Variants in GRID2 observed in about 807,000 individuals in gnomAD.
GRID2 encodes the protein glutamate ionotropic receptor delta type subunit 2.
GRID2 carries 33 observed loss-of-function variants against 114.8 expected under a neutral mutation model. The observed-to-expected ratio is 0.29, with a 90% CI of 0.22 to 0.38. The LOEUF (loss-of-function observed/expected upper bound fraction) is 0.38, where lower values mean the gene tolerates loss of function less well. Among genes scored for constraint, GRID2 ranks in the 10% least tolerant of loss-of-function variants. GRID2 has a pLI of 1.00. For synonymous variants in GRID2, 505 were observed against 449.9 expected (o/e 1.12, Z -1.55); for missense variants, 1,184 against 1,257.7 (o/e 0.94, Z 0.89).
chr4:93,237,353 A>C (rs559336396), intron 7 of GRID2, among the ~76,000 whole-genome samples: 1 of 152,064 alleles, frequency 6.6e-6, no homozygotes, highest in Admixed American at 6.6e-5. Flanking sequence ...CTCATCATGA[A>C]CTTTGCATCA....
intron 8 of GRID2, among the ~76,000 whole-genome samples, chr4:93,390,732 G>C (rs900262072): frequency 6.6e-6 from 1 of 152,046 alleles, no homozygotes; most frequent in Non-Finnish European, 1.5e-5. Flanking sequence ...GTTGATAATA[G>C]AGTGATTATT....
At chr4:93,423,903 C>T (rs1580042320) in intron 10 of GRID2, among the ~76,000 whole-genome samples, 1 of 151,670 alleles carries the variant, frequency 6.6e-6, no homozygotes, top group South Asian at 2.1e-4. Flanking sequence ...TGCTTCTTTT[C>T]CTGTTTTTCT....
chr4:93,136,232 TTGTGTGTG>T (rs3970984), intron 4 of GRID2, among the ~76,000 whole-genome samples: 4,569 of 142,316 alleles, frequency 0.032, 138 homozygotes, highest in African/African-American at 0.076. Flanking sequence ...CCAACAGTTA[TTGTGTGTG>T]TGTGTGTGTG....
chr4:92,381,251 A>C (rs1467494880), intron 1 of GRID2, among the ~76,000 whole-genome samples: 1 of 152,090 alleles, frequency 6.6e-6, no homozygotes, highest in Non-Finnish European at 1.5e-5. Flanking sequence ...GGAGTGACTG[A>C]ACCAAAATCT....
intron 2 of GRID2, among the ~76,000 whole-genome samples, chr4:92,713,824 C>G (rs932324391): frequency 1.3e-5 from 2 of 151,906 alleles, no homozygotes; most frequent in Admixed American, 6.6e-5. Context: ...ACAATTACCT[C>G]CCACCAGGTC....
At chr4:92,686,817 C>T (rs1418814664) in intron 2 of GRID2, among the ~76,000 whole-genome samples, 1 of 151,972 alleles carries the variant, frequency 6.6e-6, no homozygotes, top group Non-Finnish European at 1.5e-5. Flanking sequence ...CTTGTCAAAG[C>T]ATTTTGTATT....
chr4:92,721,799 C>A (rs572071231), intron 2 of GRID2, among the ~76,000 whole-genome samples: 124 of 152,258 alleles, frequency 8.1e-4, no homozygotes, highest in African/African-American at 2.7e-3. Context: ...GCTTTAACAT[C>A]AAGAGCAGAA....
intron 2 of GRID2, among the ~76,000 whole-genome samples, chr4:92,915,819 A>T (rs1299862300): frequency 6.6e-6 from 1 of 152,100 alleles, no homozygotes; most frequent in East Asian, 1.9e-4. Flanking sequence ...ATGATCAGTG[A>T]TGTTCAGCGT....
intron 1 of GRID2, among the ~76,000 whole-genome samples, chr4:92,505,480 A>G (rs180737349): frequency 2.1e-3 from 320 of 152,090 alleles, no homozygotes; most frequent in Non-Finnish European, 3.8e-3. Context: ...ATTCTTAAGC[A>G]TGCACAGCAT....
chr4:92,997,039 T>C (rs542381164), intron 2 of GRID2, among the ~76,000 whole-genome samples: 163 of 152,352 alleles, frequency 1.1e-3, no homozygotes, highest in Non-Finnish European at 1.7e-3. Flanking sequence ...GCTGTCTTGA[T>C]GATTATCAAA....
intron 3 of GRID2, among the ~76,000 whole-genome samples, chr4:93,110,198 T>G (rs928929363): frequency 5.9e-5 from 9 of 152,180 alleles, no homozygotes; most frequent in African/African-American, 2.2e-4. Context: ...TAGATTAAAA[T>G]GCAGCTTTTA....
chr4:93,045,774 A>G (rs1726076303), intron 2 of GRID2, among the ~76,000 whole-genome samples: 2 of 152,120 alleles, frequency 1.3e-5, no homozygotes. Flanking sequence ...TGATAATACG[A>G]AACTTTATTC....
At position 92,502,879 on chromosome 4, in the gene GRID2, A is replaced by C. The variant is rs571879666; in HGVS notation, c.89-87252A>C. On this transcript the variant is annotated intron_variant, in intron 1 of 15. Coordinates refer to ENST00000282020, the MANE Select transcript of GRID2 (RefSeq NM_001510.4). ...ATTATAGGCGCCTGCCACCACGCCC[A>C]GCTGATTTTTGTATTTTTAGTAGAG... Among the ~76,000 whole-genome samples, 601 of 151,766 alleles carry C rather than the reference A, an allele frequency of 4.0e-3. 3 individuals carry two copies. The highest frequency in any genetic ancestry group is 6.1e-3 in the Non-Finnish European group (415 of 67,884).
At chr4:92,463,321 A>G (rs1196598204) in intron 1 of GRID2, among the ~76,000 whole-genome samples, 1 of 151,926 alleles carries the variant, frequency 6.6e-6, no homozygotes, top group Non-Finnish European at 1.5e-5. Flanking sequence ...ACTTGTATCT[A>G]ATATGTGCCA....
chr4:92,794,006 G>A (rs1293458346), intron 2 of GRID2, among the ~76,000 whole-genome samples: 1 of 151,856 alleles, frequency 6.6e-6, no homozygotes, highest in East Asian at 1.9e-4. Context: ...GAGTGTAGGG[G>A]CAGCAAGACT....
At chr4:92,822,201 C>A in intron 2 of GRID2, 3 of 470,838 alleles carry the variant, frequency 6.4e-6, no homozygotes, top group South Asian at 1.7e-5. Context: ...GCAGTTGAGG[C>A]TAAAGCACAG....
chr4:92,767,148 G>C (rs962011960), intron 2 of GRID2, among the ~76,000 whole-genome samples: 4 of 152,178 alleles, frequency 2.6e-5, no homozygotes, highest in African/African-American at 7.2e-5. Context: ...GATACTTCCA[G>C]TGGGCTTGAA....
chr4:92,617,903 G>C (rs1730080460), intron 2 of GRID2, among the ~76,000 whole-genome samples: 1 of 151,450 alleles, frequency 6.6e-6, no homozygotes, highest in Admixed American at 6.6e-5. Context: ...TTCTTTTATA[G>C]TCTAGATATT....
rs564203816 is a variant in GRID2 at position 93,194,221 on chromosome 4, TA to T, written c.736-13182del. Among the ~76,000 whole-genome samples, 319 of 152,238 alleles carry T rather than the reference TA, an allele frequency of 2.1e-3. 1 individual carries two copies. Among genetic ancestry groups the T allele is most frequent in the Non-Finnish European group, 3.6e-3 (248 of 68,004 alleles). On this transcript the variant is annotated intron_variant, in intron 4 of 15. Transcript: ENST00000282020. ...ATGAAAAAAGAAAAACAAAACATGG[TA>T]GTGGAAAAAAGTTTATGTTTACAAA...
Sources: allele counts gnomAD v4.1 joint callset (sites outside exome capture counted in the v4.1 genomes callset), GRCh38; gene constraint gnomAD v4.1.1; transcripts MANE v1.5; gene names NCBI Gene and HGNC (gene_info 2026-07-23, HGNC 2026-07-21).